The following TGFBR1 variants were observed in gnomAD, a reference collection of about 807,000 sequenced individuals.
TGFBR1 encodes transforming growth factor beta receptor 1, also known as TGF-beta receptor type-1.
Under a neutral mutation model 55.1 loss-of-function variants are expected in TGFBR1, and 20 were observed. That is an observed-to-expected ratio of 0.36 (90% CI 0.26 to 0.53). TGFBR1 has a LOEUF of 0.53. TGFBR1 is among the 20% of genes least tolerant of loss of function. TGFBR1 has a pLI of 0.91. For synonymous variants in TGFBR1, 220 were observed against 214.8 expected, an observed-to-expected ratio of 1.02 and a Z score of -0.21; for missense variants, 385 against 617.6, an observed-to-expected ratio of 0.62 and a Z score of 3.99.
rs138857390 is a variant in TGFBR1 at position 99,154,117 on chromosome 9, A to G, written c.*4812A>G. 1 of 228,478 alleles carries G rather than the reference A, an allele frequency of 4.4e-6. No homozygotes were observed. Among genetic ancestry groups the G allele is most frequent in the Non-Finnish European group, 8.7e-6 (1 of 114,916 alleles). The allele number at this position is 228,478 out of a possible 1,614,324, so 14.2% of individuals were successfully genotyped here. On this transcript the variant is annotated 3_prime_UTR_variant, in exon 9 of 9. Coordinates refer to ENST00000374994, the MANE Select transcript of TGFBR1 (RefSeq NM_004612.4). ...TTAGGGATTTTTTTTTTTCCTTATA[A>G]CAAAGACATCACCAGGATATGAAGC... is the stretch of plus-strand genomic sequence containing the variant.
At position 99,149,828 on chromosome 9, in the gene TGFBR1, A is replaced by G. The variant is rs11568807; in HGVS notation, c.*523A>G. The G allele has an allele frequency of 2.5e-4, 57 of 225,886 alleles. No homozygotes were observed. Among genetic ancestry groups the G allele is most frequent in the African/African-American group, 1.3e-3 (56 of 44,662 alleles). The allele number at this position is 225,886 out of a possible 1,614,324, so 14.0% of individuals were successfully genotyped here. A position where few individuals can be genotyped will look rare whatever the true frequency, so the allele number is the denominator to read the frequency against. On this transcript the variant is annotated 3_prime_UTR_variant, in exon 9 of 9. Transcript: ENST00000374994. ...CTTATAAAACTCTTATCTTGAGTCT[A>G]AAAATGACCTCATATAGTAGTGAGG...
At position 99,151,369 on chromosome 9, in the gene TGFBR1, G is replaced by A. The variant is rs894052883; in HGVS notation, c.*2064G>A. The A allele has an allele frequency of 1.8e-5, 4 of 226,866 alleles. No individual in the cohort carries two copies. Among genetic ancestry groups the A allele is most frequent in the Non-Finnish European group, 2.6e-5 (3 of 116,092 alleles). 14.1% of individuals were successfully genotyped at this position (226,866 alleles called of 1,614,324 possible). On this transcript the variant is annotated 3_prime_UTR_variant, in exon 9 of 9. Transcript: ENST00000374994. ...TAATAATCTCTAATTCTGTGATCAGGTACTTTTTTTGTGGGGGTTTTTTTT... is the reference window on the plus strand; with the variant it reads ...TAATAATCTCTAATTCTGTGATCAGATACTTTTTTTGTGGGGGTTTTTTTT...
At chr9:99,113,508 T>C (rs1826644119) in intron 1 of TGFBR1, among the ~76,000 whole-genome samples, 1 of 152,172 alleles carries the variant, frequency 6.6e-6, no homozygotes, top group South Asian at 2.1e-4. Context: ...TAATGAAATA[T>C]TTGTTTATAG....
intron 7 of TGFBR1, 58 bp downstream of exon 7, chr9:99,146,667 G>A: frequency 6.2e-7 from 1 of 1,610,460 alleles, no homozygotes; most frequent in Non-Finnish European, 8.5e-7. Context: ...TTCAAGAATT[G>A]TCTTCTTTTT....
At chr9:99,109,593 G>A (rs1826505911) in intron 1 of TGFBR1, among the ~76,000 whole-genome samples, 1 of 152,168 alleles carries the variant, frequency 6.6e-6, no homozygotes, top group African/African-American at 2.4e-5. Flanking sequence ...TTTTGAAAAT[G>A]CCATTATCCT....
chr9:99,129,555 A>G (rs72739277), intron 2 of TGFBR1, among the ~76,000 whole-genome samples: 340 of 152,326 alleles, frequency 2.2e-3, no homozygotes, highest in Non-Finnish European at 3.6e-3. Context: ...TGCGTAAATT[A>G]ATTATACATG....
chr9:99,122,337 A>G (rs1303381810), intron 1 of TGFBR1, among the ~76,000 whole-genome samples: 1 of 152,146 alleles, frequency 6.6e-6, no homozygotes, highest in Non-Finnish European at 1.5e-5. Flanking sequence ...TATTAATACT[A>G]TACACAACTG....
intron 1 of TGFBR1, among the ~76,000 whole-genome samples, chr9:99,109,248 A>G (rs1286522478): frequency 6.6e-6 from 1 of 152,176 alleles, no homozygotes; most frequent in Non-Finnish European, 1.5e-5. Context: ...AATTGCTGAT[A>G]AAAGGACCTG....
intron 1 of TGFBR1, among the ~76,000 whole-genome samples, chr9:99,124,633 TTTTA>T (rs1826984822): frequency 6.6e-6 from 1 of 152,134 alleles, no homozygotes; most frequent in South Asian, 2.1e-4. Flanking sequence ...TAAGTTCTTA[TTTTA>T]GTTTTTCCCT....
Position 99,143,748 on chromosome 9 carries a change from T to G in TGFBR1, c.974-984T>G, listed in dbSNP as rs530327492. ...GTTGTACAGCCAGCAAACACTACAG[T>G]CAATTTTAGAATATCTTCACTCCAA... On this transcript the variant is annotated intron_variant, in intron 5 of 8. Coordinates refer to ENST00000374994, the MANE Select transcript of TGFBR1 (RefSeq NM_004612.4). Among the ~76,000 whole-genome samples the G allele has an allele frequency of 6.6e-5, 10 of 152,306 alleles. No individual in the cohort carries two copies. The South Asian group carries it at 1.7e-3, about 25-fold the overall frequency.
At chr9:99,126,388 G>C (rs912952540) in intron 1 of TGFBR1, among the ~76,000 whole-genome samples, 3 of 152,172 alleles carry the variant, frequency 2.0e-5, no homozygotes, top group African/African-American at 7.2e-5. Flanking sequence ...TTGTATTACA[G>C]TGTTCTCCTT....
chr9:99,116,725 A>G (rs1826754056), intron 1 of TGFBR1, among the ~76,000 whole-genome samples: 2 of 152,184 alleles, frequency 1.3e-5, no homozygotes, highest in Admixed American at 1.3e-4. Flanking sequence ...GCTACCAGCA[A>G]TTGGAAACCC....
chr9:99,152,621 C>T lies in TGFBR1; in HGVS notation c.*3316C>T, dbSNP rs1338296674. On this transcript the variant is annotated 3_prime_UTR_variant, in exon 9 of 9. Transcript: ENST00000374994. ...TTAGAGTGCACAACAAAATCACTAT[C>T]CCATTAGACACATCATCAAAAGCTT... 1.8e-5 allele frequency: 4 copies of T among 228,514 alleles called. No homozygotes were observed. The South Asian group carries it at 5.5e-4, about 31-fold the overall frequency. 14.2% of individuals were successfully genotyped at this position (228,514 alleles called of 1,614,324 possible).
chr9:99,125,428 C>T (rs1009803043), intron 1 of TGFBR1, among the ~76,000 whole-genome samples: 2 of 152,202 alleles, frequency 1.3e-5, no homozygotes, highest in East Asian at 3.8e-4. Context: ...TGCATACCTA[C>T]AATTATATTT....
In TGFBR1 at chr9:99,105,248, C is replaced by G; in HGVS notation, c.43C>G (p.Leu15Val). 6.6e-6 allele frequency: 7 copies of G among 1,063,692 alleles called. No homozygotes were observed. Among genetic ancestry groups the G allele is most frequent in the Non-Finnish European group, 7.9e-6 (7 of 884,788 alleles). 65.9% of individuals were successfully genotyped at this position (1,063,692 alleles called of 1,614,324 possible). A position where few individuals can be genotyped will look rare whatever the true frequency, so the allele number is the denominator to read the frequency against. Residue 15 changes from leucine to valine, a missense_variant, in exon 1 of 9, where the codon CTC (leucine) becomes GTC (valine). Leu to Val is a conservative substitution (Grantham distance 32). This residue lies in a region of TGFBR1 where 37 missense variants were observed against 40.2 expected (regional missense o/e 0.92). Transcript: ENST00000374994. ...TGCTCCGCGTCCCCGGCTGCTCCTC[C>G]TCGTGCTGGCGGCGGCGGCGGCGGC... ...VAAPRPRLLL[L>V]VLAAAAAAAA...
intron 8 of TGFBR1, 86 bp downstream of exon 8, chr9:99,147,870 CT>C (rs1258757695): frequency 9.7e-7 from 1 of 1,033,862 alleles, no homozygotes; most frequent in East Asian, 2.4e-5. Context: ...TTAAGGAAAA[CT>C]TTTCTTTAAG....
chr9:99,119,463 G>A (rs950808228), intron 1 of TGFBR1, among the ~76,000 whole-genome samples: 1 of 152,340 alleles, frequency 6.6e-6, no homozygotes, highest in East Asian at 1.9e-4. Context: ...GGGTTGTGGG[G>A]AGTAGGGGTG....
chr9:99,138,566 G>T (rs1347132468), intron 4 of TGFBR1, among the ~76,000 whole-genome samples: 1 of 152,194 alleles, frequency 6.6e-6, no homozygotes, highest in African/African-American at 2.4e-5. Context: ...CTAAATAGAT[G>T]AATCTTCTGG....
chr9:99,139,542 A>G (rs1827548103), intron 4 of TGFBR1, among the ~76,000 whole-genome samples: 1 of 151,996 alleles, frequency 6.6e-6, no homozygotes, highest in African/African-American at 2.4e-5. Flanking sequence ...GATCCCACCT[A>G]CTCTGCCCTA....
Sources: gnomAD v4.1 joint callset for allele counts (sites outside exome capture counted in the v4.1 genomes callset) on GRCh38, gnomAD v4.1.1 for gene constraint, gnomAD v4.1.1 regional missense constraint, MANE v1.5 for transcripts, NCBI Gene and HGNC (gene_info 2026-07-23, HGNC 2026-07-21) for gene names.